FBLN5: variants seen among roughly 807,000 people sequenced by gnomAD.
FBLN5 encodes fibulin-5.
A neutral mutation model predicts 61.6 loss-of-function variants in FBLN5; 24 were observed. The observed-to-expected ratio is 0.39, with a 90% CI of 0.28 to 0.55. FBLN5 has a LOEUF of 0.55. FBLN5 is among the 20% of genes least tolerant of loss of function. The pLI, the probability that FBLN5 is intolerant of heterozygous loss-of-function variation, is 0.65. For synonymous variants in FBLN5, 213 were observed against 219.8 expected (o/e 0.97, Z 0.27); for missense variants, 470 against 594.1 (o/e 0.79, Z 2.17).
At chr14:91,921,984 C>T (rs1381814314) in intron 4 of FBLN5, among the ~76,000 whole-genome samples, 2 of 152,270 alleles carry the variant, frequency 1.3e-5, no homozygotes, top group East Asian at 3.9e-4. Flanking sequence ...GTGGGACAGT[C>T]ATGGAGCCCT....
chr14:91,939,026 T>C (rs754501556), intron 3 of FBLN5, among the ~76,000 whole-genome samples: 7 of 152,198 alleles, frequency 4.6e-5, no homozygotes, highest in Admixed American at 2.0e-4. Context: ...AGGGTTTTAT[T>C]CCTCACTGTT....
intron 4 of FBLN5, among the ~76,000 whole-genome samples, chr14:91,912,558 T>A (rs1890994804): frequency 6.6e-6 from 1 of 152,026 alleles, no homozygotes; most frequent in Non-Finnish European, 1.5e-5. Context: ...GGCAGGAGAA[T>A]CAATTGAACC....
At chr14:91,906,261 G>A (rs1333304165) in intron 4 of FBLN5, among the ~76,000 whole-genome samples, 1 of 152,096 alleles carries the variant, frequency 6.6e-6, no homozygotes, top group East Asian at 1.9e-4. Context: ...ACCCCAGTAG[G>A]GTCCAAAGCT....
chr14:91,909,247 G>A (rs17127742), intron 4 of FBLN5, among the ~76,000 whole-genome samples: 5,760 of 152,200 alleles, frequency 0.038, 146 homozygotes, highest in African/African-American at 0.056. Context: ...ACATCAAGCT[G>A]ATGCTAGCAC....
rs149367738 is a variant in FBLN5 at position 91,879,653 on chromosome 14, C to T, written c.989+1639G>A. Reference sequence around the variant, plus strand: ...GGAGCTCTGCTCTGCCACAAACAGGCCTTACGTCGGGGGTCAAAGAGCCCT... The same window carrying T: ...GGAGCTCTGCTCTGCCACAAACAGGTCTTACGTCGGGGGTCAAAGAGCCCT... On this transcript the variant is annotated intron_variant, in intron 9 of 10. Transcript: ENST00000342058. Among the ~76,000 whole-genome samples, 339 of 152,328 alleles carry T rather than the reference C, an allele frequency of 2.2e-3. 2 individuals are homozygous for T. Among genetic ancestry groups the T allele is most frequent in the African/African-American group, 7.1e-3 (296 of 41,568 alleles).
Position 91,881,154 on chromosome 14 carries a change from C to T in FBLN5, c.989+138G>A, listed in dbSNP as rs1014445813. The T allele has an allele frequency of 1.6e-5, 13 of 798,146 alleles. No individual in the cohort carries two copies. The East Asian group carries it at 2.1e-4, about 13-fold the overall frequency. The allele number at this position is 798,146 out of a possible 1,614,324, so 49.4% of individuals were successfully genotyped here. A position where few individuals can be genotyped will look rare whatever the true frequency, so the allele number is the denominator to read the frequency against. ...ACACACACACACACACACACACACA[C>T]GCATGAGCACATGACGTAGGTAGTA... On this transcript the variant is annotated intron_variant, in intron 9 of 10. Coordinates refer to ENST00000342058, the MANE Select transcript of FBLN5 (RefSeq NM_006329.4).
intron 10 of FBLN5, among the ~76,000 whole-genome samples, chr14:91,872,079 G>A (rs984246481): frequency 2.0e-5 from 3 of 152,150 alleles, no homozygotes; most frequent in Admixed American, 6.5e-5. Context: ...CCAGGTGGGG[G>A]GGCCCTGGCT....
rs558519425 is a variant in FBLN5, at chr14:91,879,482, G to A, written c.990-1800C>T. On this transcript the variant is annotated intron_variant, in intron 9 of 10. Coordinates refer to ENST00000342058, the MANE Select transcript of FBLN5 (RefSeq NM_006329.4). ...CTGGAGCCTGGAGTGAGGGAGTCAC[G>A]GAGCATTGTCAGCGTCATGCCAGAG... Among the ~76,000 whole-genome samples the A allele has an allele frequency of 3.9e-5, 6 of 152,308 alleles. No homozygotes were observed. In the South Asian group the frequency reaches 6.2e-4, roughly 16 times the overall value.
rs997719929 is a variant in FBLN5 at position 91,870,193 on chromosome 14, A to T, written c.*31T>A. The T allele has an allele frequency of 2.5e-6, 4 of 1,609,016 alleles. No homozygotes were observed. Among genetic ancestry groups the T allele is most frequent in the Non-Finnish European group, 3.4e-6 (4 of 1,175,460 alleles). ...CTTCTCCTGTCCCTTGGTGCCAATG[A>T]GAGGCAGCGTCGGAGGCTCCAGCCC... On this transcript the variant is annotated 3_prime_UTR_variant, in exon 11 of 11. Transcript: ENST00000342058.
At chr14:91,936,898 T>A in intron 4 of FBLN5, 49 bp downstream of exon 4, 2 of 1,612,504 alleles carry the variant, frequency 1.2e-6, no homozygotes, top group South Asian at 2.2e-5. Context: ...ATACAGACGA[T>A]GTCTTCACCA....
Position 91,922,068 on chromosome 14 carries a change from C to T in FBLN5, c.379+14879G>A, listed in dbSNP as rs375648345. On this transcript the variant is annotated intron_variant, in intron 4 of 10. Transcript: ENST00000342058. Reference sequence around the variant, plus strand: ...GTCCCAGCACTTTGGGAGGCCAAGGCGGGCGGATCACCTGAGGTCAGGAAT... The same window carrying T: ...GTCCCAGCACTTTGGGAGGCCAAGGTGGGCGGATCACCTGAGGTCAGGAAT... 2.8e-3 allele frequency among the ~76,000 whole-genome samples: 433 copies of T among 152,180 alleles called. 3 individuals carry two copies. The highest frequency in any genetic ancestry group is 8.7e-3 in the African/African-American group (363 of 41,516).
chr14:91,889,217 A>G (rs1889872450), intron 6 of FBLN5, among the ~76,000 whole-genome samples: 1 of 152,226 alleles, frequency 6.6e-6, no homozygotes, highest in African/African-American at 2.4e-5. Context: ...TAAGCCACTG[A>G]GTGCAAGTTC....
intron 7 of FBLN5, among the ~76,000 whole-genome samples, chr14:91,884,255 G>C (rs1889624599): frequency 6.6e-6 from 1 of 152,180 alleles, no homozygotes; most frequent in Non-Finnish European, 1.5e-5. Flanking sequence ...AGCAGAATTA[G>C]GATGCTGATT....
At chr14:91,935,037 A>C (rs1367626701) in intron 4 of FBLN5, among the ~76,000 whole-genome samples, 1 of 152,212 alleles carries the variant, frequency 6.6e-6, no homozygotes, top group African/African-American at 2.4e-5. Context: ...AGGACTTATG[A>C]ATGCATAATG....
chr14:91,923,008 A>C (rs527505819), intron 4 of FBLN5, among the ~76,000 whole-genome samples: 7 of 152,290 alleles, frequency 4.6e-5, no homozygotes, highest in African/African-American at 1.4e-4. Context: ...GACTACATGC[A>C]AAATCAATGC....
chr14:91,870,510 G>T, intron 10 of FBLN5, 125 bp from the exon 11 acceptor site: 2 of 911,926 alleles, frequency 2.2e-6, no homozygotes, highest in East Asian at 2.5e-5. Context: ...ACTGTGCCAT[G>T]CTCTTTCCCT....
intron 4 of FBLN5, among the ~76,000 whole-genome samples, chr14:91,922,764 C>A (rs1179164938): frequency 6.6e-6 from 1 of 152,152 alleles, no homozygotes; most frequent in East Asian, 1.9e-4. Context: ...GCTCCAGCTG[C>A]TTGCAAACTT....
At chr14:91,940,001 G>T (rs2056081929) in intron 3 of FBLN5, 1 of 453,332 alleles carries the variant, frequency 2.2e-6, no homozygotes, top group Non-Finnish European at 4.4e-6. Context: ...GACTCGCTGT[G>T]TTGGCTTTGA....
Position 91,943,116 on chromosome 14 carries a change from C to T in FBLN5, c.18-155G>A, listed in dbSNP as rs929668805. Among the ~76,000 whole-genome samples the T allele has an allele frequency of 6.6e-5, 10 of 151,024 alleles. No individual in the cohort carries two copies. Among genetic ancestry groups the T allele is most frequent in the Non-Finnish European group, 8.9e-5 (6 of 67,776 alleles). The stretch of plus-strand genomic sequence containing the variant: ...GGGAGGTCATGGTGGTTCCAGACAC[C>T]GCGACCACCCAAGCAGAACCACACC... On this transcript the variant is annotated intron_variant, in intron 1 of 10. Coordinates refer to ENST00000342058, the MANE Select transcript of FBLN5 (RefSeq NM_006329.4). This position sits in a 1 kb window ranked among gnomAD's most constrained non-coding sequence, Gnocchi z 4.0.
Sources: allele counts gnomAD v4.1 joint callset (sites outside exome capture counted in the v4.1 genomes callset), GRCh38; gene constraint gnomAD v4.1.1; non-coding constraint Gnocchi (gnomAD v3.1); transcripts MANE v1.5; gene names NCBI Gene and HGNC (gene_info 2026-07-23, HGNC 2026-07-21).